TBCK: variants seen among roughly 807,000 people sequenced by gnomAD.
TBCK encodes TBC1 domain containing kinase.
Under a neutral mutation model 113.4 loss-of-function variants are expected in TBCK, and 99 were observed. The ratio of observed to expected loss-of-function variants is 0.87; its 90% confidence interval spans 0.74 to 1.03. TBCK has a LOEUF of 1.03. Among genes scored for constraint, TBCK ranks in the 50% least tolerant of loss-of-function variants. TBCK has a pLI of 0.00. For missense variants in TBCK, 1,045 were observed against 1,061.3 expected (o/e 0.98, Z 0.21); for synonymous variants, 369 against 370.8 (o/e 1.00, Z 0.05).
intron 12 of TBCK, among the ~76,000 whole-genome samples, chr4:106,238,323 A>G (rs1442596750): frequency 6.6e-6 from 1 of 152,142 alleles, no homozygotes; most frequent in Non-Finnish European, 1.5e-5. Context: ...ATTATGGCAG[A>G]CAAGAGATTC....
At chr4:106,069,453 G>A (rs778046162) in intron 25 of TBCK, among the ~76,000 whole-genome samples, 1 of 152,160 alleles carries the variant, frequency 6.6e-6, no homozygotes, top group Non-Finnish European at 1.5e-5. Context: ...TCAGAGGGTT[G>A]TAGATGTGTG....
At chr4:106,289,141 T>C (rs1205579992) in intron 3 of TBCK, among the ~76,000 whole-genome samples, 1 of 152,214 alleles carries the variant, frequency 6.6e-6, no homozygotes, top group African/African-American at 2.4e-5. Flanking sequence ...AGAGCTATAA[T>C]GAAGAATGTT....
rs370550726 is a variant in TBCK at position 106,252,058 on chromosome 4, T to C, written c.456-51A>G. On this transcript the variant is annotated intron_variant, in intron 5 of 25. Transcript: ENST00000394708. Reference sequence around the variant, plus strand: ...AAAATTACAACAGGGAAAGAAGCGATAGTACATTTTTACAATCAATGTGGT... The same window carrying C: ...AAAATTACAACAGGGAAAGAAGCGACAGTACATTTTTACAATCAATGTGGT... The C allele has an allele frequency of 5.5e-5, 80 of 1,447,136 alleles. 1 individual carries two copies. In the African/African-American group the frequency reaches 9.2e-4, roughly 17 times the overall value. 89.6% of individuals were successfully genotyped at this position (1,447,136 alleles called of 1,614,324 possible).
chr4:106,310,790 G>A (rs1237003911), intron 1 of TBCK, among the ~76,000 whole-genome samples: 1 of 152,004 alleles, frequency 6.6e-6, no homozygotes, highest in East Asian at 1.9e-4. Flanking sequence ...AGTATCAAGG[G>A]CAAACAATGA....
Position 106,117,307 on chromosome 4 carries a change from A to C in TBCK, c.2236-929T>G, listed in dbSNP as rs187998601. Reference sequence around the variant, plus strand: ...AGGTAATATGAGAAATTGCACTGTAATTAGGCATACATAGTAATTAAAGAA... The same window carrying C: ...AGGTAATATGAGAAATTGCACTGTACTTAGGCATACATAGTAATTAAAGAA... On this transcript the variant is annotated intron_variant, in intron 23 of 25. Coordinates refer to ENST00000394708, the MANE Select transcript of TBCK (RefSeq NM_001163435.3). 2.3e-3 allele frequency among the ~76,000 whole-genome samples: 357 copies of C among 152,304 alleles called. 1 individual carries two copies. The highest frequency in any genetic ancestry group is 8.2e-3 in the African/African-American group (339 of 41,554).
intron 23 of TBCK, among the ~76,000 whole-genome samples, chr4:106,157,388 C>T (rs987454246): frequency 5.3e-5 from 8 of 152,202 alleles, no homozygotes; most frequent in African/African-American, 1.7e-4. Context: ...AGTCCACTCA[C>T]TTTAATCTAA....
chr4:106,177,087 ACAG>A (rs1435208425), intron 22 of TBCK, among the ~76,000 whole-genome samples: 3 of 151,832 alleles, frequency 2.0e-5, no homozygotes, highest in African/African-American at 7.3e-5. Context: ...ATCTTATATC[ACAG>A]CATCCTGAAT....
At chr4:106,275,224 A>G (rs1763899893) in intron 3 of TBCK, among the ~76,000 whole-genome samples, 1 of 152,224 alleles carries the variant, frequency 6.6e-6, no homozygotes, top group Non-Finnish European at 1.5e-5. Flanking sequence ...TAACAACATT[A>G]AATACTTCTG....
At position 106,236,483 on chromosome 4, in the gene TBCK, CT is replaced by C; in HGVS notation, c.1256del (p.Glu419GlyfsTer10). Reference sequence around the variant, plus strand: ...AAGGGAGCGTGGCAGCTGCAGACAACTCATTATTGCTGTTTGAATGAGGTAA... The same window carrying C: ...AAGGGAGCGTGGCAGCTGCAGACAACCATTATTGCTGTTTGAATGAGGTAA... The part of the protein sequence containing the change: ...SNLPHSNSNN[E>X]LSAAATLPLI... On this transcript the variant is annotated frameshift_variant, in exon 14 of 26. Coordinates refer to ENST00000394708, the MANE Select transcript of TBCK (RefSeq NM_001163435.3). LOFTEE classifies it high-confidence loss of function. 6.4e-7 allele frequency: 1 copy of C among 1,573,786 alleles called. No homozygotes were observed. The highest frequency in any genetic ancestry group is 8.6e-7 in the Non-Finnish European group (1 of 1,159,522).
In TBCK at chr4:106,288,372, C is replaced by T. The variant is rs139486041; in HGVS notation, c.266+6722G>A. Among the ~76,000 whole-genome samples the T allele has an allele frequency of 5.1e-3, 767 of 151,236 alleles. 4 individuals carry two copies. Among genetic ancestry groups the T allele is most frequent in the African/African-American group, 0.018 (731 of 41,156 alleles). ...TCGTACCACCGCACTCCAGCCGGGG[C>T]GACAAAGCGAGACTCCGTCTCAAAA... On this transcript the variant is annotated intron_variant, in intron 3 of 25. Transcript: ENST00000394708.
intron 3 of TBCK, among the ~76,000 whole-genome samples, chr4:106,273,059 G>A (rs935586803): frequency 3.9e-5 from 6 of 151,962 alleles, no homozygotes; most frequent in Admixed American, 2.6e-4. Flanking sequence ...CCTTTAATAG[G>A]TCTATCCACC....
At chr4:106,154,578 T>C (rs1040350802) in intron 23 of TBCK, among the ~76,000 whole-genome samples, 7 of 152,230 alleles carry the variant, frequency 4.6e-5, no homozygotes, top group African/African-American at 1.7e-4. Flanking sequence ...GTCCTTGGTG[T>C]TGTCGTCGCA....
At chr4:106,231,357 G>A (rs1758838736) in intron 18 of TBCK, among the ~76,000 whole-genome samples, 3 of 151,722 alleles carry the variant, frequency 2.0e-5, no homozygotes, top group Admixed American at 6.6e-5. Flanking sequence ...GAAGGAGAAT[G>A]AGAAAAGTCT....
chr4:106,300,530 T>C (rs796685852), intron 2 of TBCK, among the ~76,000 whole-genome samples: 8 of 152,344 alleles, frequency 5.3e-5, no homozygotes, highest in African/African-American at 1.9e-4. Context: ...TCATCACCTT[T>C]AAAATATGAT....
At chr4:106,072,258 G>A (rs1301691817) in intron 25 of TBCK, among the ~76,000 whole-genome samples, 1 of 152,104 alleles carries the variant, frequency 6.6e-6, no homozygotes, top group Admixed American at 6.5e-5. Flanking sequence ...CATGTTTAGT[G>A]CTTCCTTTAG....
intron 23 of TBCK, among the ~76,000 whole-genome samples, chr4:106,160,816 C>T (rs1749683827): frequency 6.6e-6 from 1 of 151,968 alleles, no homozygotes; most frequent in South Asian, 2.1e-4. Context: ...TTTATACACC[C>T]ATGTTCATAG....
At chr4:106,259,643 A>C (rs1762316430) in intron 5 of TBCK, among the ~76,000 whole-genome samples, 1 of 151,972 alleles carries the variant, frequency 6.6e-6, no homozygotes, top group Admixed American at 6.6e-5. Flanking sequence ...ATATGCTCGG[A>C]GAAAAAACAG....
At chr4:106,252,391 AG>A (rs1191696548) in intron 5 of TBCK, among the ~76,000 whole-genome samples, 25 of 152,112 alleles carry the variant, frequency 1.6e-4, no homozygotes, top group Admixed American at 5.9e-4. Flanking sequence ...TATTTTTAGT[AG>A]TAAGAATGTT....
chr4:106,227,967 GT>G (rs1162450790), intron 19 of TBCK, among the ~76,000 whole-genome samples: 3 of 151,866 alleles, frequency 2.0e-5, no homozygotes, highest in African/African-American at 7.2e-5. Flanking sequence ...TACATATTAT[GT>G]TTAACCTCTA....
Sources: allele counts gnomAD v4.1 joint callset (sites outside exome capture counted in the v4.1 genomes callset), GRCh38; gene constraint gnomAD v4.1.1; transcripts MANE v1.5; gene names NCBI Gene and HGNC (gene_info 2026-07-23, HGNC 2026-07-21).